USP48: variants seen among roughly 807,000 people sequenced by gnomAD.
The protein encoded by USP48 is ubiquitin specific peptidase 48, also known as ubiquitin carboxyl-terminal hydrolase 48.
A neutral mutation model predicts 150.7 loss-of-function variants in USP48; 43 were observed. The ratio of observed to expected loss-of-function variants is 0.29; its 90% CI spans 0.22 to 0.37. USP48 has a LOEUF of 0.37. Among genes scored for constraint, USP48 ranks in the 10% least tolerant of loss-of-function variants. The probability of loss-of-function intolerance (pLI) is 1.00; values close to 1 mark genes in which losing one functional copy is unlikely to be tolerated. For missense variants in USP48, 813 were observed against 1,249.6 expected (o/e 0.65, Z 5.27); for synonymous variants, 396 against 425.9 (o/e 0.93, Z 0.86).
At chr1:21,737,513 T>C (rs1385261606) in intron 8 of USP48, among the ~76,000 whole-genome samples, 1 of 152,206 alleles carries the variant, frequency 6.6e-6, no homozygotes, top group Non-Finnish European at 1.5e-5. Context: ...TAAATGAACA[T>C]TTACATTTCA....
chr1:21,753,837 A>C (rs1251255246), intron 3 of USP48, among the ~76,000 whole-genome samples: 3 of 150,458 alleles, frequency 2.0e-5, no homozygotes, highest in Non-Finnish European at 3.0e-5. Context: ...AAAAAAAAAA[A>C]AAAAAAAAAA....
chr1:21,702,570 T>G (rs550421209), intron 21 of USP48, among the ~76,000 whole-genome samples: 1 of 151,628 alleles, frequency 6.6e-6, no homozygotes, highest in South Asian at 2.1e-4. Flanking sequence ...GCCAGGGTGA[T>G]TTTTTTTAAA....
intron 14 of USP48, among the ~76,000 whole-genome samples, chr1:21,716,678 T>C (rs2097705231): frequency 6.6e-6 from 1 of 152,210 alleles, no homozygotes; most frequent in African/African-American, 2.4e-5. Flanking sequence ...TATCAATTTA[T>C]AGTTGTATAT....
chr1:21,706,989 T>G, intron 15 of USP48, 121 bp from the exon 16 acceptor site: 1 of 1,148,000 alleles, frequency 8.7e-7, no homozygotes, highest in East Asian at 2.6e-5. Flanking sequence ...TTGCTAAAGT[T>G]TGGTATTTCT....
chr1:21,740,131 G>C (rs552859807), intron 8 of USP48, among the ~76,000 whole-genome samples: 2 of 152,254 alleles, frequency 1.3e-5, no homozygotes, highest in South Asian at 4.1e-4. Context: ...GGCTGGTCTT[G>C]AACTCCCAAA....
chr1:21,766,923 G>A (rs1451539063), intron 1 of USP48, among the ~76,000 whole-genome samples: 1 of 152,072 alleles, frequency 6.6e-6, no homozygotes, highest in Non-Finnish European at 1.5e-5. Flanking sequence ...AAATTAGCCG[G>A]CGTGGTGGCG....
intron 1 of USP48, among the ~76,000 whole-genome samples, chr1:21,757,998 T>G (rs1383123144): frequency 6.6e-6 from 1 of 152,184 alleles, no homozygotes; most frequent in African/African-American, 2.4e-5. Context: ...CAACTACCTT[T>G]AGACCTAGCA....
intron 8 of USP48, among the ~76,000 whole-genome samples, chr1:21,739,565 T>C (rs1042808720): frequency 1.4e-5 from 2 of 147,092 alleles, no homozygotes; most frequent in African/African-American, 2.5e-5. Flanking sequence ...TATTTGCATA[T>C]ATTTATGGGT....
At chr1:21,679,812 G>C (rs931908647) in intron 26 of USP48, among the ~76,000 whole-genome samples, 3 of 152,150 alleles carry the variant, frequency 2.0e-5, no homozygotes, top group Non-Finnish European at 2.9e-5. Context: ...TCCTGCCTCA[G>C]CCTCCCAAGT....
intron 8 of USP48, among the ~76,000 whole-genome samples, chr1:21,739,195 G>A (rs1043203366): frequency 6.6e-6 from 1 of 151,968 alleles, no homozygotes; most frequent in Non-Finnish European, 1.5e-5. Context: ...TCTAACAGGG[G>A]ACTCCCACCA....
chr1:21,706,236 T>C (rs1261871987), intron 17 of USP48, 49 bp from the exon 18 acceptor site: 14 of 1,589,644 alleles, frequency 8.8e-6, no homozygotes, highest in Non-Finnish European at 1.2e-5. Context: ...ACCGCCTGCT[T>C]AACACAAATT....
Position 21,726,861 on chromosome 1 carries a change from T to C in USP48, c.1450+1709A>G, listed in dbSNP as rs1286697362. Reference sequence around the variant, plus strand: ...AACTCTCCTATTATCAAGCTGGAGATACCGGACTATATGAAACCTCAGCAT... The same window carrying C: ...AACTCTCCTATTATCAAGCTGGAGACACCGGACTATATGAAACCTCAGCAT... On this transcript the variant is annotated intron_variant, in intron 11 of 26. Transcript: ENST00000308271. 2.0e-5 allele frequency among the ~76,000 whole-genome samples: 3 copies of C among 151,980 alleles called. No homozygotes were observed. The South Asian group carries it at 6.2e-4, about 32-fold the overall frequency.
rs1415217306 is a variant in USP48 at position 21,783,098 on chromosome 1, T to C, written c.-141A>G. The C allele has an allele frequency of 4.9e-6, 6 of 1,226,642 alleles. No homozygotes were observed. The highest frequency in any genetic ancestry group is 6.3e-6 in the Non-Finnish European group (6 of 952,108). The allele number at this position is 1,226,642 out of a possible 1,614,324, so 76.0% of individuals were successfully genotyped here. ...AGGCAGCTGGCCAGTCAATCACCTG[T>C]GCGCGCCACTGCCGCCGCGCCCGCC... On this transcript the variant is annotated 5_prime_UTR_variant, in exon 1 of 27. Coordinates refer to ENST00000308271, the MANE Select transcript of USP48 (RefSeq NM_032236.8).
chr1:21,740,758 T>A (rs2097779737), intron 8 of USP48, among the ~76,000 whole-genome samples: 1 of 152,164 alleles, frequency 6.6e-6, no homozygotes, highest in Non-Finnish European at 1.5e-5. Flanking sequence ...AAATTTTAAG[T>A]ATGTTTAAAG....
At chr1:21,706,036 T>C in intron 18 of USP48, 90 bp downstream of exon 18, 1 of 1,381,066 alleles carries the variant, frequency 7.2e-7, no homozygotes, top group Non-Finnish European at 1.0e-6. Flanking sequence ...GAAGGAAGGG[T>C]ACAACAAACA....
chr1:21,748,708 C>T (rs747857673), intron 6 of USP48, among the ~76,000 whole-genome samples: 3 of 152,194 alleles, frequency 2.0e-5, no homozygotes, highest in Non-Finnish European at 4.4e-5. Flanking sequence ...GCCAGGAATT[C>T]GAGACCGGCC....
intron 9 of USP48, among the ~76,000 whole-genome samples, chr1:21,734,968 C>T (rs1003273875): frequency 6.6e-6 from 1 of 152,316 alleles, no homozygotes; most frequent in African/African-American, 2.4e-5. Flanking sequence ...TATGGCAGAC[C>T]TCACTACTAC....
intron 1 of USP48, among the ~76,000 whole-genome samples, chr1:21,779,399 T>C (rs2097908898): frequency 6.6e-6 from 1 of 151,444 alleles, no homozygotes; most frequent in African/African-American, 2.4e-5. Flanking sequence ...TACAAAAAAT[T>C]AGCCGGGTGT....
intron 1 of USP48, among the ~76,000 whole-genome samples, chr1:21,772,222 A>G (rs1004410922): frequency 2.0e-5 from 3 of 152,232 alleles, no homozygotes; most frequent in Admixed American, 1.3e-4. Flanking sequence ...TAAAAAAAGC[A>G]TTCATAAATT....
Sources: gnomAD v4.1 joint callset for allele counts (sites outside exome capture counted in the v4.1 genomes callset) on GRCh38, gnomAD v4.1.1 for gene constraint, MANE v1.5 for transcripts, NCBI Gene and HGNC (gene_info 2026-07-23, HGNC 2026-07-21) for gene names.